ZBTB5: variants seen among roughly 807,000 people sequenced by gnomAD.
The protein encoded by ZBTB5 is zinc finger and BTB domain containing 5.
In ZBTB5, 15 loss-of-function variants were observed where a neutral mutation model predicts 37.9. The ratio of observed to expected loss-of-function variants is 0.40; its 90% CI spans 0.26 to 0.61. ZBTB5 has a LOEUF of 0.61. Among genes scored for constraint, ZBTB5 ranks in the 20% least tolerant of loss-of-function variants. The probability of loss-of-function intolerance (pLI) is 0.47; values close to 1 mark genes in which losing one functional copy is unlikely to be tolerated. For synonymous variants in ZBTB5, 315 were observed against 312.4 expected (o/e 1.01, Z -0.09); for missense variants, 708 against 856.8 (o/e 0.83, Z 2.17).
At chr9:37,442,693 A>G in intron 1 of ZBTB5, 138 bp from the exon 2 acceptor site, 2 of 675,120 alleles carry the variant, frequency 3.0e-6, no homozygotes, top group Non-Finnish European at 5.0e-6. Flanking sequence ...TAATGGGCAC[A>G]TACACTAAGA....
Position 37,440,784 on chromosome 9 carries a change from C to G in ZBTB5, c.1768G>C (p.Asp590His), listed in dbSNP as rs770439209. Reference sequence around the variant, plus strand: ...GCCTTCTTGCACTTTGACAGAACATCTGCAGATGCCCTGGTCAACTGTGGA... The same window carrying G: ...GCCTTCTTGCACTTTGACAGAACATGTGCAGATGCCCTGGTCAACTGTGGA... ...GPPQLTRASA[D>H]VLSKCKKALS... Residue 590 changes from aspartate (D) to histidine (H), a missense_variant, in exon 2 of 2, where the codon GAT (aspartate) becomes CAT (histidine). Physicochemically the swap from Asp to His is moderately conservative, Grantham distance 81. Coordinates refer to ENST00000307750, the MANE Select transcript of ZBTB5 (RefSeq NM_014872.3). The G allele has an allele frequency of 1.9e-6, 3 of 1,614,216 alleles. No homozygotes were observed. Among genetic ancestry groups the G allele is most frequent in the Non-Finnish European group, 2.5e-6 (3 of 1,180,044 alleles).
chr9:37,455,585 A>C (rs1346530597), intron 1 of ZBTB5, among the ~76,000 whole-genome samples: 1 of 152,150 alleles, frequency 6.6e-6, no homozygotes, highest in Non-Finnish European at 1.5e-5. Context: ...GCCAGAGCCT[A>C]AAAGAGCTTG....
rs1285061956 is a variant in ZBTB5, at chr9:37,465,261, C to A, written c.-51G>T. ...TCCTCCTCGCTGAAGGAGGCGGTGACCCCTCTCCGATCGGACTCGGCAGTG... is the reference window on the plus strand; with the variant it reads ...TCCTCCTCGCTGAAGGAGGCGGTGAACCCTCTCCGATCGGACTCGGCAGTG... On this transcript the variant is annotated 5_prime_UTR_variant, in exon 1 of 2. Coordinates refer to ENST00000307750, the MANE Select transcript of ZBTB5 (RefSeq NM_014872.3). 1 of 152,162 alleles carries A rather than the reference C, an allele frequency of 6.6e-6. No individual in the cohort carries two copies. The highest frequency in any genetic ancestry group is 1.9e-4 in the East Asian group (1 of 5,190). The allele number at this position is 152,162 out of a possible 1,614,324, so 9.4% of individuals were successfully genotyped here.
intron 1 of ZBTB5, among the ~76,000 whole-genome samples, chr9:37,460,839 G>A (rs1378886497): frequency 6.6e-6 from 1 of 151,956 alleles, no homozygotes; most frequent in Non-Finnish European, 1.5e-5. Context: ...CTACACTCCA[G>A]CCCAGGTGAC....
intron 1 of ZBTB5, among the ~76,000 whole-genome samples, chr9:37,460,247 G>A (rs762125385): frequency 3.3e-5 from 5 of 151,810 alleles, no homozygotes; most frequent in Admixed American, 6.6e-5. Flanking sequence ...AAACTAGCCT[G>A]ACCAACATGG....
intron 1 of ZBTB5, among the ~76,000 whole-genome samples, chr9:37,463,650 G>A (rs965319624): frequency 6.6e-6 from 1 of 152,196 alleles, no homozygotes; most frequent in African/African-American, 2.4e-5. Context: ...GGACAGTCTT[G>A]TGAGTCTCTT....
intron 1 of ZBTB5, among the ~76,000 whole-genome samples, chr9:37,449,680 TA>T (rs1824062055): frequency 7.8e-6 from 1 of 127,498 alleles, no homozygotes; most frequent in African/African-American, 3.1e-5. Flanking sequence ...GTCTGCGCGA[TA>T]GTATGAGACT....
chr9:37,457,373 A>G (rs1025474686), intron 1 of ZBTB5, among the ~76,000 whole-genome samples: 2 of 152,108 alleles, frequency 1.3e-5, no homozygotes, highest in Non-Finnish European at 2.9e-5. Context: ...TACTGGTACT[A>G]CAGGCACGTC....
chr9:37,462,065 CA>C (rs918897411), intron 1 of ZBTB5, among the ~76,000 whole-genome samples: 4 of 152,270 alleles, frequency 2.6e-5, no homozygotes, highest in African/African-American at 9.6e-5. Context: ...GGTTTGAACT[CA>C]AGTGATCCTC....
At chr9:37,452,812 G>A (rs1564312780) in intron 1 of ZBTB5, among the ~76,000 whole-genome samples, 1 of 152,160 alleles carries the variant, frequency 6.6e-6, no homozygotes, top group East Asian at 1.9e-4. Flanking sequence ...AATGTAAACT[G>A]CCAGGCACTT....
intron 1 of ZBTB5, among the ~76,000 whole-genome samples, chr9:37,449,336 A>C (rs1824054972): frequency 6.6e-6 from 1 of 152,210 alleles, no homozygotes; most frequent in African/African-American, 2.4e-5. Flanking sequence ...TTGCTTCTGC[A>C]TTCAGGCTTG....
At chr9:37,457,455 C>T (rs569444011) in intron 1 of ZBTB5, among the ~76,000 whole-genome samples, 14 of 152,192 alleles carry the variant, frequency 9.2e-5, no homozygotes, top group Admixed American at 7.2e-4. Flanking sequence ...GTCTCGAACT[C>T]CTGGGCTCAG....
Position 37,441,385 on chromosome 9 carries a change from T to G in ZBTB5, c.1167A>C (p.Val389=). ...TGACTTCCAAAATATGGATATCACC[T>G]ACCCTGTCTGTGCTAGACTGGGGAT... ...FSDPQSSTDR[V]GDIHILEVTN... is the part of the protein sequence containing the mutation. Residue 389 remains valine (V), a synonymous_variant, in exon 2 of 2, where the codon GTA becomes GTC. Coordinates refer to ENST00000307750, the MANE Select transcript of ZBTB5 (RefSeq NM_014872.3). The G allele has an allele frequency of 6.2e-7, 1 of 1,614,108 alleles. No homozygotes were observed. The highest frequency in any genetic ancestry group is 8.5e-7 in the Non-Finnish European group (1 of 1,180,036).
At position 37,464,855 on chromosome 9, in the gene ZBTB5, C is replaced by T. The variant is rs142498686; in HGVS notation, c.-5+360G>A. Among the ~76,000 whole-genome samples, 673 of 152,328 alleles carry T rather than the reference C, an allele frequency of 4.4e-3. 2 individuals are homozygous for T. The highest frequency in any genetic ancestry group is 0.014 in the Middle Eastern group (4 of 294). ...CCCAGGATGGGGGCAAGGGAGCCGT[C>T]CGACCACATCCCGCAGGGCAGCAGA... On this transcript the variant is annotated intron_variant, in intron 1 of 1. Coordinates refer to ENST00000307750, the MANE Select transcript of ZBTB5 (RefSeq NM_014872.3).
At chr9:37,446,711 C>A (rs978952654) in intron 1 of ZBTB5, among the ~76,000 whole-genome samples, 1 of 152,208 alleles carries the variant, frequency 6.6e-6, no homozygotes, top group African/African-American at 2.4e-5. Context: ...GGGTCCCCAC[C>A]CGACTCACTC....
chr9:37,440,496 GTTGTC>G lies in ZBTB5; in HGVS notation c.*17_*21del. On this transcript the variant is annotated 3_prime_UTR_variant, in exon 2 of 2. Coordinates refer to ENST00000307750, the MANE Select transcript of ZBTB5 (RefSeq NM_014872.3). ...ATTCAGTCTGACAACTGGCCTCAGC[GTTGTC>G]TTGTAAGGACAAACAGCTAGAGCAA... 6.2e-7 allele frequency: 1 copy of G among 1,606,408 alleles called. No homozygotes were observed.
In ZBTB5 at chr9:37,439,077, A is replaced by AT. The variant is rs1310461513; in HGVS notation, c.*1440dup. On this transcript the variant is annotated 3_prime_UTR_variant, in exon 2 of 2. Transcript: ENST00000307750. Reference sequence around the variant, plus strand: ...ATGGTTTGGTATGTCTAAGAAAGCTATATAAAACATAAAATGAACTCATGT... The same window carrying AT: ...ATGGTTTGGTATGTCTAAGAAAGCTATTATAAAACATAAAATGAACTCATGT... The AT allele has an allele frequency of 6.6e-6, 1 of 152,278 alleles. No homozygotes were observed. The highest frequency in any genetic ancestry group is 1.5e-5 in the Non-Finnish European group (1 of 68,048). The allele number at this position is 152,278 out of a possible 1,614,324, so 9.4% of individuals were successfully genotyped here.
rs1823848700 is a variant in ZBTB5, at chr9:37,440,656, G to T, written c.1896C>A (p.Ile632=). The T allele has an allele frequency of 1.2e-6, 2 of 1,614,122 alleles. No homozygotes were observed. The highest frequency in any genetic ancestry group is 1.1e-5 in the South Asian group (1 of 91,094). ...FLTLTDCKKH[I]RVHTGEKPYA... ...AAGGCTTTTCACCTGTGTGAACACG[G>T]ATGTGCTTCTTGCAATCTGTCAAAG... The change falls in exon 2 of 2, where the codon ATC becomes ATA. Residue 632 remains isoleucine, a synonymous_variant. Transcript: ENST00000307750.
chr9:37,464,179 C>A (rs1235166088), intron 1 of ZBTB5, among the ~76,000 whole-genome samples: 1 of 152,220 alleles, frequency 6.6e-6, no homozygotes, highest in Non-Finnish European at 1.5e-5. Flanking sequence ...CTAAGCACAA[C>A]AGCCCATACT....
Sources: gnomAD v4.1 joint callset for allele counts (sites outside exome capture counted in the v4.1 genomes callset) on GRCh38, gnomAD v4.1.1 for gene constraint, MANE v1.5 for transcripts, NCBI Gene and HGNC (gene_info 2026-07-23, HGNC 2026-07-21) for gene names.